SORBS2: variants seen among roughly 807,000 people sequenced by gnomAD.
The protein encoded by SORBS2 is sorbin and SH3 domain-containing protein 2.
SORBS2 carries 46 observed loss-of-function variants against 97.7 expected under a neutral mutation model. The observed-to-expected ratio is 0.47, with a 90% confidence interval of 0.37 to 0.60. The LOEUF (loss-of-function observed/expected upper bound fraction) is 0.60, where lower values mean the gene tolerates loss of function less well. Among genes scored for constraint, SORBS2 ranks in the 20% least tolerant of loss-of-function variants. The pLI is 0.00. For synonymous variants in SORBS2, 476 were observed against 473.4 expected (o/e 1.01, Z -0.07); for missense variants, 1,316 against 1,282.3 (o/e 1.03, Z -0.40).
At chr4:185,650,511 T>C (rs533630274) in intron 2 of SORBS2, among the ~76,000 whole-genome samples, 15 of 152,300 alleles carry the variant, frequency 9.8e-5, no homozygotes, top group Non-Finnish European at 2.1e-4. Flanking sequence ...TGTAGGGCTG[T>C]ACAAAGTAAT....
intron 9 of SORBS2, among the ~76,000 whole-genome samples, chr4:185,616,575 G>A (rs2096630530): frequency 6.6e-6 from 1 of 151,880 alleles, no homozygotes; most frequent in Non-Finnish European, 1.5e-5. Flanking sequence ...ATGAATCAGA[G>A]GCAACCAATT....
Position 185,854,810 on chromosome 4 carries a change from AG to A in SORBS2, c.-337-79445del, listed in dbSNP as rs1413603465. ...AAGAGAGAGAGAGAGAGAGAGAGAGAGAGAGAGCCTTAGTTAGTTTACTGAG... is the reference window on the plus strand; with the variant it reads ...AAGAGAGAGAGAGAGAGAGAGAGAGAAGAGAGCCTTAGTTAGTTTACTGAG... On this transcript the variant is annotated intron_variant, in intron 1 of 20. Coordinates refer to the SORBS2 transcript ENST00000284776. Among the ~76,000 whole-genome samples the A allele has an allele frequency of 2.4e-4, 37 of 152,008 alleles. 1 individual carries two copies. The highest frequency in any genetic ancestry group is 3.8e-4 in the Non-Finnish European group (26 of 67,984).
chr4:185,675,053 A>G (rs2097771955), intron 4 of SORBS2: 1 of 152,214 alleles, frequency 6.6e-6, no homozygotes, highest in Non-Finnish European at 1.5e-5. Context: ...CACCCAATAA[A>G]TATTTCTTGA....
At chr4:185,827,204 CCATCATCACCATCATCACCATCAT>C (rs2099200888) in intron 1 of SORBS2, among the ~76,000 whole-genome samples, 1 of 73,596 alleles carries the variant, frequency 1.4e-5, no homozygotes, top group Non-Finnish European at 2.8e-5. Flanking sequence ...ATCATCATCA[CCATCATCACCATCATCACCATCAT>C]CATCATCACC....
At chr4:185,694,387 C>A (rs1368083013) in intron 2 of SORBS2, among the ~76,000 whole-genome samples, 1 of 152,184 alleles carries the variant, frequency 6.6e-6, no homozygotes, top group Non-Finnish European at 1.5e-5. Flanking sequence ...TGGAGACTAC[C>A]TTGAGCCTTA....
intron 1 of SORBS2, among the ~76,000 whole-genome samples, chr4:185,869,975 T>G (rs1230573182): frequency 2.0e-5 from 3 of 152,222 alleles, no homozygotes; most frequent in African/African-American, 7.2e-5. Flanking sequence ...TGTATATAAG[T>G]TTAAAGAGGA....
At chr4:185,716,539 C>T (rs2098466507) in intron 2 of SORBS2, among the ~76,000 whole-genome samples, 1 of 152,224 alleles carries the variant, frequency 6.6e-6, no homozygotes, top group Non-Finnish European at 1.5e-5. Flanking sequence ...GGGGCCCCTT[C>T]TTGCCTTGGT....
chr4:185,620,094 G>T, exon 8 of SORBS2: 1 of 1,611,534 alleles, frequency 6.2e-7, no homozygotes, highest in Non-Finnish European at 8.5e-7. Flanking sequence ...TCTTTCCCTT[G>T]GTGCACTTCT....
At chr4:185,952,169 C>T (rs921548441) in intron 1 of SORBS2, among the ~76,000 whole-genome samples, 9 of 151,988 alleles carry the variant, frequency 5.9e-5, no homozygotes, top group Non-Finnish European at 1.2e-4. Context: ...GGATCACAGG[C>T]GTGTGCCACC....
intron 2 of SORBS2, among the ~76,000 whole-genome samples, chr4:185,731,346 T>C (rs1340092827): frequency 6.6e-6 from 1 of 152,174 alleles, no homozygotes; most frequent in African/African-American, 2.4e-5. Context: ...TTATAAAATA[T>C]CTTTGCCCTG....
intron 12 of SORBS2, among the ~76,000 whole-genome samples, chr4:185,598,236 GA>G (rs3834809): frequency 0.13 from 19,869 of 152,086 alleles, 1,795 homozygotes; most frequent in African/African-American, 0.25. Flanking sequence ...TAGAACAAGA[GA>G]AAAATCCAGT....
At chr4:185,757,060 AT>A (rs2098836029) in intron 2 of SORBS2, 2 of 743,188 alleles carry the variant, frequency 2.7e-6, no homozygotes, top group Non-Finnish European at 2.4e-6. Context: ...GCAGGCTTCC[AT>A]TTTTGTTCAC....
intron 11 of SORBS2, chr4:185,614,550 T>C (rs968131927): frequency 5.6e-6 from 2 of 358,530 alleles, no homozygotes; most frequent in African/African-American, 4.2e-5. Flanking sequence ...TGCTCCCGAA[T>C]GTATAAGTCC....
intron 1 of SORBS2, among the ~76,000 whole-genome samples, chr4:185,654,533 C>T (rs1462838662): frequency 6.6e-6 from 1 of 152,088 alleles, no homozygotes; most frequent in Non-Finnish European, 1.5e-5. Flanking sequence ...CACAGTGATG[C>T]CATCTGCTAG....
chr4:185,795,989 C>G (rs1010412194), intron 1 of SORBS2, among the ~76,000 whole-genome samples: 2 of 152,188 alleles, frequency 1.3e-5, no homozygotes, highest in Non-Finnish European at 2.9e-5. Context: ...TTTCCCCCAG[C>G]CCTACTGTCC....
At chr4:185,799,044 C>T (rs1585024435) in intron 1 of SORBS2, among the ~76,000 whole-genome samples, 1 of 152,190 alleles carries the variant, frequency 6.6e-6, no homozygotes, top group Non-Finnish European at 1.5e-5. Flanking sequence ...AATGTACTGA[C>T]ATCAATTTGA....
chr4:185,763,144 G>A (rs1042289285), intron 2 of SORBS2, among the ~76,000 whole-genome samples: 1 of 152,158 alleles, frequency 6.6e-6, no homozygotes, highest in Non-Finnish European at 1.5e-5. Flanking sequence ...AGCCGAGATT[G>A]CGCCACTGCA....
At chr4:185,808,746 C>T (rs1390377901) in intron 1 of SORBS2, among the ~76,000 whole-genome samples, 3 of 152,160 alleles carry the variant, frequency 2.0e-5, no homozygotes, top group Non-Finnish European at 4.4e-5. Context: ...CAGTTCACGA[C>T]CTTTACTTTC....
At chr4:185,864,378 C>T (rs1261624707) in intron 1 of SORBS2, among the ~76,000 whole-genome samples, 2 of 152,178 alleles carry the variant, frequency 1.3e-5, no homozygotes, top group Non-Finnish European at 2.9e-5. Flanking sequence ...TTTTGTGATG[C>T]TCCGTTTATT....
Sources: allele counts gnomAD v4.1 joint callset (sites outside exome capture counted in the v4.1 genomes callset), GRCh38; gene constraint gnomAD v4.1.1; transcripts MANE v1.5; gene names NCBI Gene and HGNC (gene_info 2026-07-23, HGNC 2026-07-21).